The following WDFY2 variants were observed in gnomAD, a reference collection of about 807,000 sequenced individuals.
The protein encoded by WDFY2 is WD repeat and FYVE domain containing 2.
Under a neutral mutation model 56.4 loss-of-function variants are expected in WDFY2, and 36 were observed. The observed-to-expected ratio is 0.64, with a 90% CI of 0.49 to 0.84. The LOEUF is 0.84. Among genes scored for constraint, WDFY2 ranks in the 40% least tolerant of loss-of-function variants. WDFY2 has a pLI of 0.00. For missense variants in WDFY2, 444 were observed against 512.2 expected (o/e 0.87, Z 1.29); for synonymous variants, 176 against 183.7 (o/e 0.96, Z 0.34).
chr13:51,688,961 G>A (rs1230557998), intron 3 of WDFY2, among the ~76,000 whole-genome samples: 1 of 152,156 alleles, frequency 6.6e-6, no homozygotes, highest in East Asian at 1.9e-4. Flanking sequence ...GGGTGGCGGG[G>A]ACACAAAATA....
chr13:51,756,306 G>C, intron 9 of WDFY2, 26 bp from the exon 10 acceptor site: 1 of 1,605,708 alleles, frequency 6.2e-7, no homozygotes, highest in Non-Finnish European at 8.5e-7. Context: ...GCCGTGATGA[G>C]TATCTATTTT....
At chr13:51,756,288 C>G (rs1953379639) in intron 9 of WDFY2, 44 bp from the exon 10 acceptor site, 2 of 1,580,058 alleles carry the variant, frequency 1.3e-6, no homozygotes, top group Non-Finnish European at 1.7e-6. Flanking sequence ...GCCTCAGGAG[C>G]TGAGGGAGCC....
chr13:51,621,227 G>A (rs540424379), intron 1 of WDFY2, among the ~76,000 whole-genome samples: 17 of 152,198 alleles, frequency 1.1e-4, no homozygotes, highest in Non-Finnish European at 1.8e-4. Context: ...ATTCTTGGCC[G>A]GGCGCGGTGG....
At position 51,709,021 on chromosome 13, in the gene WDFY2, C is replaced by T. The variant is rs531504366; in HGVS notation, c.334+5371C>T. ...ATATGTGACCCCAAAACTGATGAAA[C>T]TTTAGGGAGAAATAGATACAAGTTA... On this transcript the variant is annotated intron_variant, in intron 4 of 11. Coordinates refer to ENST00000298125, the MANE Select transcript of WDFY2 (RefSeq NM_052950.4). Among the ~76,000 whole-genome samples the T allele has an allele frequency of 5.9e-5, 9 of 152,022 alleles. No individual in the cohort carries two copies. In the South Asian group the frequency reaches 1.9e-3, roughly 32 times the overall value.
rs1481751028 is a variant in WDFY2, at chr13:51,719,311, G to A, written c.448G>A (p.Gly150Arg). Residue 150 changes from glycine to arginine, a missense_variant, in exon 5 of 12, where the codon GGA (glycine) becomes AGA (arginine). Gly to Arg is a moderately radical substitution (Grantham distance 125). Transcript: ENST00000298125. ...CTGCTCTGAGAGTGGGCAGCGCCTG[G>A]GAGGTTATCGGACCAGTGCTGTGGC... ...WHCSESGQRL[G>R]GYRTSAVASG... The A allele has an allele frequency of 1.2e-6, 2 of 1,612,442 alleles. No individual in the cohort carries two copies. Among genetic ancestry groups the A allele is most frequent in the East Asian group, 2.2e-5 (1 of 44,870 alleles).
chr13:51,708,326 TAA>T (rs60374574), intron 4 of WDFY2, among the ~76,000 whole-genome samples: 763 of 140,668 alleles, frequency 5.4e-3, no homozygotes, highest in Middle Eastern at 0.022. Flanking sequence ...ACCCCATCTC[TAA>T]AAAAAAAAAA....
rs1367000756 is a variant in WDFY2, at chr13:51,766,978, G to A, written c.*7209G>A. On this transcript the variant is annotated 3_prime_UTR_variant, in exon 12 of 12. Transcript: ENST00000298125. The stretch of plus-strand genomic sequence containing the variant: ...GTGAAGATGAGCCCTGTTCACCACA[G>A]TCTAAGCACAGCACACGGGCTCAAG... 6.6e-6 allele frequency: 1 copy of A among 152,244 alleles called. No individual in the cohort carries two copies. The highest frequency in any genetic ancestry group is 1.9e-4 in the East Asian group (1 of 5,188). 9.4% of individuals were successfully genotyped at this position (152,244 alleles called of 1,614,324 possible).
chr13:51,683,644 C>T (rs1005021639), intron 3 of WDFY2, among the ~76,000 whole-genome samples: 22 of 152,184 alleles, frequency 1.4e-4, no homozygotes, highest in African/African-American at 5.3e-4. Context: ...TCACAAGAGC[C>T]AAAATGCATG....
chr13:51,743,560 G>A (rs567943221), intron 7 of WDFY2, among the ~76,000 whole-genome samples: 1 of 152,074 alleles, frequency 6.6e-6, no homozygotes, highest in Non-Finnish European at 1.5e-5. Context: ...TCCTGCCTTG[G>A]GATCTGACTA....
intron 7 of WDFY2, among the ~76,000 whole-genome samples, chr13:51,749,583 CAT>C (rs1196104360): frequency 1.3e-5 from 2 of 152,110 alleles, no homozygotes; most frequent in Non-Finnish European, 2.9e-5. Context: ...CTGAAATTTC[CAT>C]AGTGACATAA....
chr13:51,696,885 T>C lies in WDFY2; in HGVS notation c.280-6711T>C, dbSNP rs535863576. Among the ~76,000 whole-genome samples the C allele has an allele frequency of 1.1e-4, 17 of 152,314 alleles. No individual in the cohort carries two copies. In the South Asian group the frequency reaches 3.1e-3, roughly 28 times the overall value. Reference sequence around the variant, plus strand: ...CCAGCATTAAGAGAATCTACTTAAATACAGTTTTTTAAAAGCAACAAATAG... The same window carrying C: ...CCAGCATTAAGAGAATCTACTTAAACACAGTTTTTTAAAAGCAACAAATAG... On this transcript the variant is annotated intron_variant, in intron 3 of 11. Transcript: ENST00000298125.
chr13:51,603,651 GGAA>G (rs766710435), intron 1 of WDFY2, among the ~76,000 whole-genome samples: 5 of 152,188 alleles, frequency 3.3e-5, no homozygotes, highest in Non-Finnish European at 5.9e-5. Context: ...AAAGCAGCAT[GGAA>G]GAAGGAGTTG....
intron 4 of WDFY2, among the ~76,000 whole-genome samples, chr13:51,714,078 G>A (rs1952289262): frequency 6.6e-6 from 1 of 151,952 alleles, no homozygotes. Flanking sequence ...TAATGCCACA[G>A]AACTGTATAC....
At chr13:51,620,065 A>C (rs1954696447) in intron 1 of WDFY2, among the ~76,000 whole-genome samples, 1 of 152,232 alleles carries the variant, frequency 6.6e-6, no homozygotes, top group East Asian at 1.9e-4. Context: ...CCAGTACAGA[A>C]ATACAGGAGG....
intron 7 of WDFY2, among the ~76,000 whole-genome samples, chr13:51,749,849 C>T (rs752104740): frequency 7.9e-5 from 12 of 152,026 alleles, no homozygotes; most frequent in South Asian, 4.1e-4. Flanking sequence ...TAAGTTGATA[C>T]GCTACAAAAC....
rs949660272 is a variant in WDFY2, at chr13:51,765,816, G to A, written c.*6047G>A. On this transcript the variant is annotated 3_prime_UTR_variant, in exon 12 of 12. Coordinates refer to ENST00000298125, the MANE Select transcript of WDFY2 (RefSeq NM_052950.4). The stretch of plus-strand genomic sequence containing the variant: ...ATTCTTTTTAAAGATGGTAAGGGTG[G>A]AAATTAATCATGGTACCATCTCATT... 4.6e-5 allele frequency: 7 copies of A among 152,160 alleles called. No individual in the cohort carries two copies. Among genetic ancestry groups the A allele is most frequent in the Admixed American group, 4.6e-4 (7 of 15,280 alleles). 9.4% of individuals were successfully genotyped at this position (152,160 alleles called of 1,614,324 possible).
chr13:51,681,633 C>T (rs1593407695), intron 3 of WDFY2, among the ~76,000 whole-genome samples: 1 of 152,074 alleles, frequency 6.6e-6, no homozygotes, highest in African/African-American at 2.4e-5. Context: ...TAGACATTTT[C>T]TTCTGAGCTT....
chr13:51,757,408 AT>A (rs1453967032), intron 10 of WDFY2, among the ~76,000 whole-genome samples: 2 of 152,110 alleles, frequency 1.3e-5, no homozygotes, highest in Admixed American at 1.3e-4. Flanking sequence ...TAAAGTAACC[AT>A]TTTAAGATAC....
intron 1 of WDFY2, among the ~76,000 whole-genome samples, chr13:51,636,915 A>C: frequency 6.6e-6 from 1 of 152,270 alleles, no homozygotes; most frequent in Non-Finnish European, 1.5e-5. Flanking sequence ...TTCGATCCAT[A>C]CCTCATACCA....
Sources: allele counts gnomAD v4.1 joint callset (sites outside exome capture counted in the v4.1 genomes callset), GRCh38; gene constraint gnomAD v4.1.1; transcripts MANE v1.5; gene names NCBI Gene and HGNC (gene_info 2026-07-23, HGNC 2026-07-21).